The following CEP95 variants were observed in gnomAD, a reference collection of about 807,000 sequenced individuals.
The protein encoded by CEP95 is centrosomal protein 95.
CEP95 carries 98 observed loss-of-function variants against 111.2 expected under a neutral mutation model. The ratio of observed to expected loss-of-function variants is 0.88; its 90% CI spans 0.75 to 1.04. CEP95 has a LOEUF of 1.04. CEP95 is among the 50% of genes least tolerant of loss of function. CEP95 has a pLI of 0.00. For synonymous variants in CEP95, 323 were observed against 327.1 expected (o/e 0.99, Z 0.14); for missense variants, 1,027 against 977.2 (o/e 1.05, Z -0.68).
At position 64,525,776 on chromosome 17, in the gene CEP95, G is replaced by C. The variant is rs782598205; in HGVS notation, c.916G>C (p.Asp306His). The C allele has an allele frequency of 1.9e-6, 3 of 1,600,984 alleles. No homozygotes were observed. Among genetic ancestry groups the C allele is most frequent in the Non-Finnish European group, 1.7e-6 (2 of 1,173,104 alleles). Residue 306 changes from aspartate to histidine, a missense_variant, in exon 9 of 20, where the codon GAT becomes CAT. Transcript: ENST00000556440. ...TTTTTTCTGTTTTTAATAGGATCTA[G>C]ATGATGGACTTTTCTTAATTTCCAA... ...GEHTEFSGDL[D>H]DGLFLISKLP...
intron 1 of CEP95, 100 bp downstream of exon 1, chr17:64,507,216 C>T (rs1347639443): frequency 1.3e-5 from 20 of 1,531,434 alleles, no homozygotes; most frequent in Non-Finnish European, 1.8e-5. Flanking sequence ...GTCGGCGGGG[C>T]TCGTGACCTT....
At chr17:64,511,576 G>A (rs1351247754) in intron 3 of CEP95, among the ~76,000 whole-genome samples, 17 of 152,184 alleles carry the variant, frequency 1.1e-4, no homozygotes, top group Admixed American at 9.2e-4. Context: ...TTTTTTTCAA[G>A]GTGCCCAGAT....
At chr17:64,527,977 T>C (rs1208112601) in intron 11 of CEP95, among the ~76,000 whole-genome samples, 1 of 151,828 alleles carries the variant, frequency 6.6e-6, no homozygotes, top group Non-Finnish European at 1.5e-5. Flanking sequence ...ATAAAAATTC[T>C]GCAATGAACA....
At chr17:64,510,341 G>T in intron 3 of CEP95, 61 bp downstream of exon 3, 1 of 1,044,468 alleles carries the variant, frequency 9.6e-7, no homozygotes, top group Non-Finnish European at 1.5e-6. Context: ...TGTTAGAACT[G>T]TAGACATTGT....
chr17:64,515,483 G>T (rs561558422), intron 4 of CEP95, among the ~76,000 whole-genome samples: 1 of 152,150 alleles, frequency 6.6e-6, no homozygotes, highest in Non-Finnish European at 1.5e-5. Context: ...GTGCTTGCTC[G>T]CAGGAAGGGG....
intron 11 of CEP95, among the ~76,000 whole-genome samples, chr17:64,527,493 C>T (rs1009903289): frequency 6.6e-6 from 1 of 152,174 alleles, no homozygotes; most frequent in Admixed American, 6.5e-5. Flanking sequence ...GAAACCCCCT[C>T]TGCTCTCCCC....
chr17:64,526,588 T>A (rs1555679183), intron 10 of CEP95, among the ~76,000 whole-genome samples: 2 of 152,210 alleles, frequency 1.3e-5, no homozygotes, highest in African/African-American at 4.8e-5. Flanking sequence ...ATTGAATGAA[T>A]GTTTTAAATC....
chr17:64,532,380 A>G (rs1968341852), intron 14 of CEP95: 4 of 985,330 alleles, frequency 4.1e-6, no homozygotes, highest in East Asian at 2.3e-4. Context: ...TCCACCTCCT[A>G]TATATTGACA....
At chr17:64,508,541 AT>A in intron 1 of CEP95, 50 bp from the exon 2 acceptor site, 10 of 1,300,240 alleles carry the variant, frequency 7.7e-6, no homozygotes, top group East Asian at 3.0e-5. Flanking sequence ...TGTCTGTGTG[AT>A]TTTTTTCTGG....
At chr17:64,516,664 T>A in intron 4 of CEP95, 59 bp from the exon 5 acceptor site, 1 of 1,033,116 alleles carries the variant, frequency 9.7e-7, no homozygotes, top group Non-Finnish European at 1.5e-6. Flanking sequence ...GCCTCTTACA[T>A]AGAAAAAGTA....
chr17:64,507,087 G>C lies in CEP95; in HGVS notation c.-11G>C, dbSNP rs2038582792. 1 of 1,551,322 alleles carries C rather than the reference G, an allele frequency of 6.4e-7. No individual in the cohort carries two copies. Among genetic ancestry groups the C allele is most frequent in the Non-Finnish European group, 8.7e-7 (1 of 1,146,958 alleles). On this transcript the variant is annotated 5_prime_UTR_variant, in exon 1 of 20. Transcript: ENST00000556440. ...CCGCGTCGGAGTCCGGCGGCGACCT[G>C]CCTCTGAAACATGGCAGGCTCGGAT...
Position 64,532,880 on chromosome 17 carries a change from C to G in CEP95, c.1714C>G (p.Gln572Glu). 6.2e-7 allele frequency: 1 copy of G among 1,613,792 alleles called. No individual in the cohort carries two copies. The highest frequency in any genetic ancestry group is 8.5e-7 in the Non-Finnish European group (1 of 1,179,812). The stretch of plus-strand genomic sequence containing the variant: ...CAGTCTCCTGCCCCTTATGCTGGAG[C>G]AGTTTCCGTTTCTTTATGTTTCTGG... ...EHSLLPLMLE[Q>E]FPFLYVSGPT... Residue 572 changes from glutamine (Q) to glutamate (E), a missense_variant, in exon 15 of 20, where the codon CAG becomes GAG. Gln to Glu is a conservative substitution (Grantham distance 29). Coordinates refer to ENST00000556440, the MANE Select transcript of CEP95 (RefSeq NM_138363.3).
intron 6 of CEP95, among the ~76,000 whole-genome samples, 170 bp downstream of exon 6, chr17:64,519,606 G>A (rs564386957): frequency 2.6e-5 from 4 of 152,256 alleles, no homozygotes; most frequent in East Asian, 1.9e-4. Context: ...ATCTGAAGTC[G>A]CAGGCATATG....
chr17:64,532,822 C>CTTATT lies in CEP95; in HGVS notation c.1673-13_1673-9dup. ...TGTCCACGTCTCAGATTAAGAACAT[C>CTTATT]TTATTTTACCTTGCAGTGAAAGTAA... On this transcript the variant is annotated splice_polypyrimidine_tract_variant and intron_variant, in intron 14 of 19. Coordinates refer to ENST00000556440, the MANE Select transcript of CEP95 (RefSeq NM_138363.3). 2 of 1,602,290 alleles carry CTTATT rather than the reference C, an allele frequency of 1.2e-6. No individual in the cohort carries two copies. Among genetic ancestry groups the CTTATT allele is most frequent in the Non-Finnish European group, 1.7e-6 (2 of 1,176,248 alleles).
intron 3 of CEP95, among the ~76,000 whole-genome samples, chr17:64,513,936 T>G (rs559542786): frequency 6.6e-6 from 1 of 152,196 alleles, no homozygotes; most frequent in Non-Finnish European, 1.5e-5. Flanking sequence ...ACTAGACATG[T>G]TTTCTTAAGT....
At chr17:64,534,840 A>G (rs1555681264) in intron 17 of CEP95, 103 bp downstream of exon 17, 1 of 1,378,744 alleles carries the variant, frequency 7.3e-7, no homozygotes, top group Non-Finnish European at 1.0e-6. Flanking sequence ...TGAATCCAAA[A>G]TCTAAACTGA....
intron 3 of CEP95, among the ~76,000 whole-genome samples, chr17:64,513,184 G>A (rs1048977345): frequency 6.6e-6 from 1 of 152,210 alleles, no homozygotes; most frequent in African/African-American, 2.4e-5. Context: ...GTTACTAGTA[G>A]TAGTATAAAA....
chr17:64,516,718 A>T lies in CEP95; in HGVS notation c.368-5A>T, dbSNP rs1555676354. On this transcript the variant is annotated splice_region_variant and splice_polypyrimidine_tract_variant and intron_variant, in intron 4 of 19. Transcript: ENST00000556440. ...TTTGGTATTGTTTTTATCTGTTCTG[A>T]ACAGGTGAAACTGAACAGTATTTTA... 1 of 1,577,864 alleles carries T rather than the reference A, an allele frequency of 6.3e-7. No individual in the cohort carries two copies. The highest frequency in any genetic ancestry group is 2.2e-5 in the East Asian group (1 of 44,632).
chr17:64,535,975 A>G (rs188316685), intron 17 of CEP95: 1 of 152,380 alleles, frequency 6.6e-6, no homozygotes, highest in Admixed American at 6.5e-5. Context: ...CACGAATTAC[A>G]TGATTCCATT....
Sources: allele counts gnomAD v4.1 joint callset (sites outside exome capture counted in the v4.1 genomes callset), GRCh38; gene constraint gnomAD v4.1.1; transcripts MANE v1.5; gene names NCBI Gene and HGNC (gene_info 2026-07-23, HGNC 2026-07-21).